Variants in SCAMP4 observed in about 807,000 individuals in gnomAD.
SCAMP4 encodes the protein secretory carrier membrane protein 4.
SCAMP4 carries 19 observed loss-of-function variants against 32.1 expected under a neutral mutation model. The ratio of observed to expected loss-of-function variants is 0.59; its 90% CI spans 0.41 to 0.87. The LOEUF (loss-of-function observed/expected upper bound fraction) is 0.87. SCAMP4 is among the 40% of genes least tolerant of loss of function. SCAMP4 has a pLI of 0.00. For synonymous variants in SCAMP4, 152 were observed against 132.7 expected (o/e 1.15, Z -1.00); for missense variants, 302 against 309.0 (o/e 0.98, Z 0.17).
chr19:1,909,647 C>T (rs890039947), intron 1 of SCAMP4, among the ~76,000 whole-genome samples: 5 of 152,146 alleles, frequency 3.3e-5, no homozygotes, highest in African/African-American at 7.2e-5. Flanking sequence ...GATGTCAGGC[C>T]GGGAGGTTCT....
At chr19:1,921,159 G>A (rs1048680966) in intron 5 of SCAMP4, 24 of 985,292 alleles carry the variant, frequency 2.4e-5, no homozygotes, top group Non-Finnish European at 2.9e-5. Context: ...TGGGGCGAGA[G>A]GGGACAGCCC....
chr19:1,913,377 T>A, intron 1 of SCAMP4: 1 of 650,492 alleles, frequency 1.5e-6, no homozygotes, highest in Non-Finnish European at 2.6e-6. Flanking sequence ...CCGCCCTTGC[T>A]GCGTTTGTGT....
intron 5 of SCAMP4, chr19:1,920,993 C>A (rs1244600319): frequency 5.1e-5 from 50 of 985,300 alleles, no homozygotes; most frequent in Non-Finnish European, 5.5e-5. Flanking sequence ...GCGGTCCCTG[C>A]CCGAGGTGGA....
At chr19:1,912,549 G>A (rs1432652409) in intron 1 of SCAMP4, 5 of 1,500,680 alleles carry the variant, frequency 3.3e-6, no homozygotes, top group Non-Finnish European at 4.4e-6. Flanking sequence ...GTCCTTCCAC[G>A]AGGACAAGCA....
chr19:1,917,935 C>T, intron 3 of SCAMP4, 113 bp downstream of exon 3: 2 of 1,443,374 alleles, frequency 1.4e-6, no homozygotes, highest in Non-Finnish European at 1.9e-6. Flanking sequence ...CTGAAGCCGT[C>T]CTGGGCCTGG....
rs897605399 is a variant in SCAMP4 at position 1,924,545 on chromosome 19, C to T, written c.*261C>T. ...CAGGACGCCCTCTTGCTCCCGGAAA[C>T]GTGTGGTCACCCGCCGTCCACTGCA... On this transcript the variant is annotated 3_prime_UTR_variant, in exon 7 of 7. Transcript: ENST00000316097. The T allele has an allele frequency of 5.8e-6, 3 of 517,764 alleles. No individual in the cohort carries two copies. Among genetic ancestry groups the T allele is most frequent in the African/African-American group, 3.8e-5 (2 of 52,298 alleles). 32.1% of individuals were successfully genotyped at this position (517,764 alleles called of 1,614,324 possible).
chr19:1,924,577 G>A lies in SCAMP4; in HGVS notation c.*293G>A, dbSNP rs1334150484. On this transcript the variant is annotated 3_prime_UTR_variant, in exon 7 of 7. Transcript: ENST00000316097. ...TCACCCGCCGTCCACTGCACGGCTG[G>A]TACGGCCTTGTCTTCAGGTCTCGAG... 4.7e-6 allele frequency: 2 copies of A among 424,034 alleles called. No homozygotes were observed. Among genetic ancestry groups the A allele is most frequent in the East Asian group, 8.4e-5 (2 of 23,716 alleles). The allele number at this position is 424,034 out of a possible 1,614,324, so 26.3% of individuals were successfully genotyped here.
intron 1 of SCAMP4, chr19:1,912,288 G>A (rs756803400): frequency 5.7e-6 from 9 of 1,576,218 alleles, no homozygotes; most frequent in East Asian, 2.4e-5. Context: ...GGAGGTGTCG[G>A]CCCTGCACCC....
intron 1 of SCAMP4, among the ~76,000 whole-genome samples, chr19:1,913,878 G>T (rs2013632441): frequency 6.6e-6 from 1 of 152,212 alleles, no homozygotes; most frequent in Non-Finnish European, 1.5e-5. Context: ...TTTGCCTCCA[G>T]ACACGCCTGC....
At chr19:1,907,404 AAGGT>A (rs1320188067) in intron 1 of SCAMP4, among the ~76,000 whole-genome samples, 4 of 151,104 alleles carry the variant, frequency 2.6e-5, no homozygotes, top group African/African-American at 9.8e-5. Flanking sequence ...AAAAAAAAAA[AAGGT>A]AGAGCAGGAA....
intron 1 of SCAMP4, among the ~76,000 whole-genome samples, chr19:1,910,760 A>G (rs1315245893): frequency 3.4e-5 from 5 of 149,252 alleles, no homozygotes; most frequent in Admixed American, 1.4e-4. Context: ...TATTTTTAGT[A>G]GAGATGGGGT....
At chr19:1,916,751 C>T (rs1009066733) in intron 2 of SCAMP4, among the ~76,000 whole-genome samples, 14 of 152,222 alleles carry the variant, frequency 9.2e-5, no homozygotes, top group African/African-American at 3.4e-4. Flanking sequence ...AGCCCCCACA[C>T]CTGGGCAGTT....
Position 1,908,497 on chromosome 19 carries a change from CGTCCATACCAGCGGGGATGTGTA to C in SCAMP4, c.-42+3064_-42+3086del. ...ACACATCCCTGTCTGCGGGAGGAGC[CGTCCATACCAGCGGGGATGTGTA>C]GTCCAGGCTGGCAGTTCAGGATCAC... On this transcript the variant is annotated intron_variant, in intron 1 of 6. Coordinates refer to ENST00000316097, the MANE Select transcript of SCAMP4 (RefSeq NM_079834.4). The surrounding 1 kb of genome is among the most constrained non-coding windows in gnomAD (Gnocchi z 4.2). The C allele has an allele frequency of 2.1e-6, 1 of 470,974 alleles. No individual in the cohort carries two copies. The highest frequency in any genetic ancestry group is 1.5e-5 in the South Asian group (1 of 64,558). 29.2% of individuals were successfully genotyped at this position (470,974 alleles called of 1,614,324 possible).
At chr19:1,919,821 T>A (rs537413517) in intron 5 of SCAMP4, among the ~76,000 whole-genome samples, 43 of 149,952 alleles carry the variant, frequency 2.9e-4, no homozygotes, top group East Asian at 1.4e-3. Flanking sequence ...TATTATTATT[T>A]TTTTTTGAGA....
intron 5 of SCAMP4, chr19:1,922,624 T>C: frequency 2.0e-6 from 2 of 985,746 alleles, no homozygotes; most frequent in Non-Finnish European, 2.4e-6. Context: ...CGGATGTAGG[T>C]TTCAGCAGTT....
chr19:1,906,873 T>TGTGTGTGTGTGTGG (rs2013150525), intron 1 of SCAMP4: 1 of 132,556 alleles, frequency 7.5e-6, no homozygotes, highest in Admixed American at 7.9e-5. Context: ...AAATTGTGTG[T>TGTGTGTGTGTGTGG]GTGTGTGTGT....
chr19:1,918,864 C>A, intron 4 of SCAMP4, 25 bp from the exon 5 acceptor site: 2 of 1,583,452 alleles, frequency 1.3e-6, no homozygotes, highest in Non-Finnish European at 1.7e-6. Context: ...CTGTGGTAAC[C>A]GTCGTGTTTT....
In SCAMP4 at chr19:1,925,293, T is replaced by G. The variant is rs2014063103; in HGVS notation, c.*1009T>G. ...TTATATTTTTAGTACAGATGGGGTT[T>G]CACCATGTTGGCCAGGCTGGTCTCG... On this transcript the variant is annotated 3_prime_UTR_variant, in exon 7 of 7. Coordinates refer to ENST00000316097, the MANE Select transcript of SCAMP4 (RefSeq NM_079834.4). 1 of 152,248 alleles carries G rather than the reference T, an allele frequency of 6.6e-6. No homozygotes were observed. Among genetic ancestry groups the G allele is most frequent in the Admixed American group, 6.6e-5 (1 of 15,254 alleles). The allele number at this position is 152,248 out of a possible 1,614,324, so 9.4% of individuals were successfully genotyped here. A position where few individuals can be genotyped will look rare whatever the true frequency, so the allele number is the denominator to read the frequency against.
chr19:1,918,125 A>G lies in SCAMP4; in HGVS notation c.137-2A>G. On this transcript the variant is annotated splice_acceptor_variant, in intron 3 of 6. Coordinates refer to ENST00000316097, the MANE Select transcript of SCAMP4 (RefSeq NM_079834.4). LOFTEE classifies it high-confidence loss of function. ...TCATCCGTCCTCCCTCTCTCTTCGC[A>G]GTTTACTGCGCCACCCTCGGCGTCA... is the stretch of plus-strand genomic sequence containing the variant. 1 of 1,608,410 alleles carries G rather than the reference A, an allele frequency of 6.2e-7. No individual in the cohort carries two copies. Among genetic ancestry groups the G allele is most frequent in the Non-Finnish European group, 8.5e-7 (1 of 1,176,962 alleles).
Sources: gnomAD v4.1 joint callset for allele counts (sites outside exome capture counted in the v4.1 genomes callset) on GRCh38, gnomAD v4.1.1 for gene constraint, Gnocchi (gnomAD v3.1) non-coding constraint, MANE v1.5 for transcripts, NCBI Gene and HGNC (gene_info 2026-07-23, HGNC 2026-07-21) for gene names.